Variants in LRRC4B observed in about 807,000 individuals in gnomAD.
The protein encoded by LRRC4B is leucine rich repeat containing 4B.
A neutral mutation model predicts 7.3 loss-of-function variants in LRRC4B; 1 was observed. The ratio of observed to expected loss-of-function variants is 0.14; its 90% CI spans 0.05 to 0.65. The LOEUF is 0.65. Among genes scored for constraint, LRRC4B ranks in the 30% least tolerant of loss-of-function variants. The pLI is 0.84. For synonymous variants in LRRC4B, 500 were observed against 499.2 expected (o/e 1.00, Z -0.02); for missense variants, 730 against 1,041.6 (o/e 0.70, Z 4.12).
At chr19:50,559,640 G>A (rs973023770) in intron 1 of LRRC4B, among the ~76,000 whole-genome samples, 1 of 152,210 alleles carries the variant, frequency 6.6e-6, no homozygotes, top group Non-Finnish European at 1.5e-5. Flanking sequence ...GAGGGGCGTG[G>A]CCCCCGCCAG....
At chr19:50,561,276 C>G (rs566832068) in intron 1 of LRRC4B, among the ~76,000 whole-genome samples, 8 of 152,082 alleles carry the variant, frequency 5.3e-5, no homozygotes, top group African/African-American at 1.9e-4. Flanking sequence ...CATTTGGGGT[C>G]TTTGCCCTTC....
intron 2 of LRRC4B, among the ~76,000 whole-genome samples, chr19:50,536,233 A>G (rs1225033258): frequency 6.6e-6 from 1 of 152,008 alleles, no homozygotes; most frequent in African/African-American, 2.4e-5. Flanking sequence ...TCCCAGGTTC[A>G]AGCGATTCTC....
Position 50,517,689 on chromosome 19 carries a change from C to T in LRRC4B, c.2024G>A (p.Ser675Asn). The T allele has an allele frequency of 6.4e-7, 1 of 1,551,186 alleles. No homozygotes were observed. Residue 675 changes from serine to asparagine, a missense_variant, in exon 3 of 3, where the codon AGC becomes AAC. Physicochemically the swap from Ser to Asn is conservative, Grantham distance 46. Around this residue, in one of 6 missense-constraint regions of LRRC4B, gnomAD observed 160 missense variants for 163.9 expected, o/e 0.98. Transcript: ENST00000652263. This position sits in a 1 kb window ranked among gnomAD's most constrained non-coding sequence, Gnocchi z 6.6. ...GCAGCCCCCGCCGCTGGGGTTGCTG[C>T]TGTAGTGCGCCTTGAAGGCGGCAGC... ...YVAAAFKAHY[S>N]SNPSGGGCGG...
chr19:50,539,122 C>T (rs370474723), intron 2 of LRRC4B, among the ~76,000 whole-genome samples: 1 of 152,208 alleles, frequency 6.6e-6, no homozygotes, highest in African/African-American at 2.4e-5. Context: ...TTGTGATCCA[C>T]CTGCCTTGGC....
chr19:50,557,695 G>T (rs2122923202), intron 1 of LRRC4B: 1 of 150,912 alleles, frequency 6.6e-6, no homozygotes, highest in East Asian at 1.9e-4. Context: ...GGCTGGGAGG[G>T]CTGGGTGGGG....
intron 2 of LRRC4B, among the ~76,000 whole-genome samples, chr19:50,531,452 G>A (rs1981057228): frequency 6.6e-6 from 1 of 152,320 alleles, no homozygotes; most frequent in East Asian, 1.9e-4. Context: ...GAGGGAAGGG[G>A]GTGTGAAGGG....
intron 2 of LRRC4B, among the ~76,000 whole-genome samples, chr19:50,547,010 C>T (rs964398332): frequency 6.6e-6 from 1 of 152,192 alleles, no homozygotes; most frequent in East Asian, 1.9e-4. Flanking sequence ...CCGGTGCTGC[C>T]GGTGTCTGTT....
intron 1 of LRRC4B, among the ~76,000 whole-genome samples, chr19:50,567,456 G>A (rs1330692768): frequency 6.6e-6 from 1 of 151,730 alleles, no homozygotes; most frequent in Non-Finnish European, 1.5e-5. Flanking sequence ...GCCAGGCGCG[G>A]TCACCAAGGA....
chr19:50,539,386 G>C (rs1981444363), intron 2 of LRRC4B, among the ~76,000 whole-genome samples: 1 of 152,128 alleles, frequency 6.6e-6, no homozygotes. Flanking sequence ...ACGTCCATAA[G>C]ATGGGAGAAG....
In LRRC4B at chr19:50,517,507, G is replaced by T; in HGVS notation, c.*64C>A. 4.5e-6 allele frequency: 6 copies of T among 1,341,640 alleles called. No individual in the cohort carries two copies. The highest frequency in any genetic ancestry group is 5.8e-6 in the Non-Finnish European group (6 of 1,038,798). The allele number at this position is 1,341,640 out of a possible 1,614,324, so 83.1% of individuals were successfully genotyped here. On this transcript the variant is annotated 3_prime_UTR_variant, in exon 3 of 3. Transcript: ENST00000652263. This position sits in a 1 kb window ranked among gnomAD's most constrained non-coding sequence, Gnocchi z 6.6. ...TGTGGGAGGGAGGGGTCCCGGTCAG[G>T]CTGCGCCCGGGCTGGGACCTGGGTG...
At chr19:50,550,101 T>A (rs1279414620) in intron 1 of LRRC4B, among the ~76,000 whole-genome samples, 1 of 152,098 alleles carries the variant, frequency 6.6e-6, no homozygotes, top group African/African-American at 2.4e-5. Flanking sequence ...TGTATCCCGG[T>A]CATCTCATGT....
At position 50,539,184 on chromosome 19, in the gene LRRC4B, T is replaced by G. The variant is rs540871709; in HGVS notation, c.297+9358A>C. ...TGAGCCACCGTGCCCGGCCAGGTTT[T>G]GTTTTTTGTTTTTGCAACAGAATTA... On this transcript the variant is annotated intron_variant, in intron 2 of 2. Coordinates refer to ENST00000652263, the MANE Select transcript of LRRC4B (RefSeq NM_001080457.2). 1.1e-3 allele frequency among the ~76,000 whole-genome samples: 168 copies of G among 152,348 alleles called. 1 individual carries two copies. Among genetic ancestry groups the G allele is most frequent in the African/African-American group, 2.6e-3 (110 of 41,580 alleles).
chr19:50,538,911 C>G (rs1015189152), intron 2 of LRRC4B, among the ~76,000 whole-genome samples: 5 of 146,710 alleles, frequency 3.4e-5, no homozygotes, highest in Non-Finnish European at 7.4e-5. Flanking sequence ...TTTTTCAAGA[C>G]GGATTCTTGC....
At chr19:50,545,730 T>C (rs1981774561) in intron 2 of LRRC4B, among the ~76,000 whole-genome samples, 1 of 150,510 alleles carries the variant, frequency 6.6e-6, no homozygotes. Context: ...ACTTTTTTTT[T>C]TTTTTTTTTT....
chr19:50,531,365 A>G (rs1981052428), intron 2 of LRRC4B, among the ~76,000 whole-genome samples: 1 of 152,216 alleles, frequency 6.6e-6, no homozygotes, highest in African/African-American at 2.4e-5. Flanking sequence ...CTCTGGACAG[A>G]GGACCGTGAC....
At position 50,516,935 on chromosome 19, in the gene LRRC4B, T is replaced by C. The variant is rs1194708881; in HGVS notation, c.*636A>G. The C allele has an allele frequency of 6.6e-6, 1 of 152,120 alleles. No homozygotes were observed. The highest frequency in any genetic ancestry group is 1.5e-5 in the Non-Finnish European group (1 of 68,000). 9.4% of individuals were successfully genotyped at this position (152,120 alleles called of 1,614,324 possible). On this transcript the variant is annotated 3_prime_UTR_variant, in exon 3 of 3. Transcript: ENST00000652263. ...TATTTTTTTACTTTTTCCATGTTTT[T>C]TTTTTAAAGTAATTACAGAGCAGGT...
chr19:50,554,084 C>G (rs1420215684), intron 1 of LRRC4B, among the ~76,000 whole-genome samples: 3 of 151,278 alleles, frequency 2.0e-5, no homozygotes, highest in African/African-American at 7.3e-5. Context: ...ACCTCTACCT[C>G]CTGGGTTCAA....
chr19:50,532,277 G>A (rs1308334231), intron 2 of LRRC4B, among the ~76,000 whole-genome samples: 2 of 152,074 alleles, frequency 1.3e-5, no homozygotes, highest in African/African-American at 4.8e-5. Flanking sequence ...ACAAAACACT[G>A]GTCCTGTCTC....
At chr19:50,558,057 TTA>T (rs1982336854) in intron 1 of LRRC4B, 1 of 152,182 alleles carries the variant, frequency 6.6e-6, no homozygotes, top group African/African-American at 2.4e-5. Flanking sequence ...AACTGACTGT[TTA>T]TGTTATTGGT....
Sources: gnomAD v4.1 joint callset for allele counts (sites outside exome capture counted in the v4.1 genomes callset) on GRCh38, gnomAD v4.1.1 for gene constraint, gnomAD v4.1.1 regional missense constraint, Gnocchi (gnomAD v3.1) non-coding constraint, MANE v1.5 for transcripts, NCBI Gene and HGNC (gene_info 2026-07-23, HGNC 2026-07-21) for gene names.